Variants in XRCC4 observed in about 807,000 individuals in gnomAD.
XRCC4 encodes the protein X-ray repair cross complementing 4, also known as DNA repair protein XRCC4.
Under a neutral mutation model 39.1 loss-of-function variants are expected in XRCC4, and 28 were observed. The ratio of observed to expected loss-of-function variants is 0.72; its 90% confidence interval spans 0.53 to 0.98. XRCC4 has a LOEUF of 0.98. XRCC4 is among the 50% of genes least tolerant of loss of function. The pLI is 0.00. For synonymous variants in XRCC4, 123 were observed against 126.4 expected (o/e 0.97, Z 0.18); for missense variants, 350 against 376.4 (o/e 0.93, Z 0.58).
At chr5:83,349,797 A>AGGGGTT (rs1757025932) in intron 7 of XRCC4, among the ~76,000 whole-genome samples, 1 of 152,086 alleles carries the variant, frequency 6.6e-6, no homozygotes, top group Non-Finnish European at 1.5e-5. Context: ...CAGGGGGTAC[A>AGGGGTT]TGTGCGGGTT....
chr5:83,168,449 C>A (rs1387959545), intron 3 of XRCC4, among the ~76,000 whole-genome samples: 1 of 152,122 alleles, frequency 6.6e-6, no homozygotes, highest in African/African-American at 2.4e-5. Context: ...AAACGCCTCT[C>A]TCAAAAACCA....
chr5:83,279,593 T>C (rs1754465128), intron 7 of XRCC4, among the ~76,000 whole-genome samples: 1 of 152,238 alleles, frequency 6.6e-6, no homozygotes, highest in African/African-American at 2.4e-5. Context: ...ATATGGTTGC[T>C]GTAATATATA....
At chr5:83,135,318 A>T (rs1747841013) in intron 3 of XRCC4, among the ~76,000 whole-genome samples, 1 of 152,014 alleles carries the variant, frequency 6.6e-6, no homozygotes, top group Non-Finnish European at 1.5e-5. Context: ...TGGGAGCTAT[A>T]GACTGGAGCT....
intron 3 of XRCC4, among the ~76,000 whole-genome samples, chr5:83,148,187 C>A (rs892546732): frequency 1.3e-5 from 2 of 152,012 alleles, no homozygotes; most frequent in African/African-American, 2.4e-5. Context: ...TTAAATATGG[C>A]AGTTGTGAAT....
intron 7 of XRCC4, among the ~76,000 whole-genome samples, chr5:83,349,082 C>A (rs1338781739): frequency 6.6e-6 from 1 of 152,206 alleles, no homozygotes; most frequent in East Asian, 1.9e-4. Flanking sequence ...ATCTTCCTAT[C>A]TTCTTCCAAC....
intron 1 of XRCC4, among the ~76,000 whole-genome samples, chr5:83,088,353 T>C (rs1745274364): frequency 1.3e-5 from 2 of 152,202 alleles, no homozygotes; most frequent in African/African-American, 4.8e-5. Flanking sequence ...GAAAGTGTCA[T>C]TACTTTTTTT....
intron 7 of XRCC4, among the ~76,000 whole-genome samples, chr5:83,301,876 G>C (rs1355468553): frequency 1.3e-5 from 2 of 152,136 alleles, no homozygotes; most frequent in African/African-American, 4.8e-5. Context: ...TCAAAGATCA[G>C]ATGGTTGTAG....
intron 2 of XRCC4, among the ~76,000 whole-genome samples, chr5:83,107,900 AATGG>A (rs1330101355): frequency 2.0e-5 from 3 of 151,896 alleles, no homozygotes; most frequent in Non-Finnish European, 4.4e-5. Flanking sequence ...CTAGAATCCT[AATGG>A]TATGATAAGA....
Position 83,284,502 on chromosome 5 carries a change from G to A in XRCC4, c.893+25825G>A, listed in dbSNP as rs1754668811. ...GAACATCACATGTAGGAAATTTGGGGTGAATTTTTAAATATTTTTAAATGT... is the reference window on the plus strand; with the variant it reads ...GAACATCACATGTAGGAAATTTGGGATGAATTTTTAAATATTTTTAAATGT... On this transcript the variant is annotated intron_variant, in intron 7 of 7. Transcript: ENST00000396027. Among the ~76,000 whole-genome samples, 4 of 152,120 alleles carry A rather than the reference G, an allele frequency of 2.6e-5. No individual in the cohort carries two copies. In the South Asian group the frequency reaches 6.2e-4, roughly 24 times the overall value.
At chr5:83,240,915 C>CT (rs1752881734) in intron 6 of XRCC4, among the ~76,000 whole-genome samples, 1 of 152,134 alleles carries the variant, frequency 6.6e-6, no homozygotes, top group Non-Finnish European at 1.5e-5. Flanking sequence ...TCCCACTGCA[C>CT]TTTGTAAAAG....
At chr5:83,243,657 A>G (rs1221702915) in intron 6 of XRCC4, among the ~76,000 whole-genome samples, 1 of 152,218 alleles carries the variant, frequency 6.6e-6, no homozygotes, top group Non-Finnish European at 1.5e-5. Context: ...GAGGCACTCT[A>G]CAGCATGCGG....
chr5:83,223,028 G>A lies in XRCC4; in HGVS notation c.745+18107G>A, dbSNP rs370070182. Among the ~76,000 whole-genome samples, 285 of 152,278 alleles carry A rather than the reference G, an allele frequency of 1.9e-3. 4 individuals are homozygous for A. In the Middle Eastern group the frequency reaches 0.027, roughly 15 times the overall value. On this transcript the variant is annotated intron_variant, in intron 6 of 7. Coordinates refer to ENST00000396027, the MANE Select transcript of XRCC4 (RefSeq NM_003401.5). ...CTCCCAAAATGCTGGGATTACAGGT[G>A]TGAGCCTTCGTGCCTGGCAGATGAT...
At chr5:83,305,765 A>G (rs1755461357) in intron 7 of XRCC4, among the ~76,000 whole-genome samples, 1 of 152,144 alleles carries the variant, frequency 6.6e-6, no homozygotes, top group South Asian at 2.1e-4. Context: ...ACTCTTCTTG[A>G]TGTTTTACTC....
At chr5:83,254,825 G>A (rs768770049) in intron 6 of XRCC4, among the ~76,000 whole-genome samples, 2 of 152,086 alleles carry the variant, frequency 1.3e-5, no homozygotes, top group African/African-American at 4.8e-5. Context: ...GGTGGCTCAC[G>A]CCTGTAATCC....
At chr5:83,217,993 A>G (rs560680676) in intron 6 of XRCC4, among the ~76,000 whole-genome samples, 1 of 151,948 alleles carries the variant, frequency 6.6e-6, no homozygotes, top group Non-Finnish European at 1.5e-5. Flanking sequence ...AATATATATG[A>G]GAAAAAGTAT....
chr5:83,177,072 C>G (rs894337511), intron 3 of XRCC4, among the ~76,000 whole-genome samples: 4 of 152,108 alleles, frequency 2.6e-5, no homozygotes, highest in African/African-American at 9.7e-5. Context: ...CAGCAAATTA[C>G]CCCCTTATCA....
chr5:83,344,214 A>G (rs1371510083), intron 7 of XRCC4, among the ~76,000 whole-genome samples: 6 of 151,852 alleles, frequency 4.0e-5, no homozygotes, highest in Non-Finnish European at 7.4e-5. Context: ...TGAAATTTAA[A>G]TAAATATAAT....
In XRCC4 at chr5:83,352,850, C is replaced by T. The variant is rs370196838; in HGVS notation, c.894-281C>T. ...TATCCTGGCATAAAAGTGATTATAG[C>T]ACAGAGGACAGAATATTTTATTTCT... On this transcript the variant is annotated intron_variant, in intron 7 of 7. Transcript: ENST00000396027. Among the ~76,000 whole-genome samples, 165 of 152,250 alleles carry T rather than the reference C, an allele frequency of 1.1e-3. 5 individuals are homozygous for T. In the South Asian group the frequency reaches 0.034, roughly 31 times the overall value.
chr5:83,218,070 A>C (rs1470648276), intron 6 of XRCC4, among the ~76,000 whole-genome samples: 1 of 150,398 alleles, frequency 6.6e-6, no homozygotes, highest in South Asian at 2.1e-4. Flanking sequence ...TTTTATATAT[A>C]TATATATATT....
Sources: gnomAD v4.1 joint callset for allele counts (sites outside exome capture counted in the v4.1 genomes callset) on GRCh38, gnomAD v4.1.1 for gene constraint, MANE v1.5 for transcripts, NCBI Gene and HGNC (gene_info 2026-07-23, HGNC 2026-07-21) for gene names.